Variants in GRID2 observed in about 807,000 individuals in gnomAD.
GRID2 encodes glutamate receptor ionotropic, delta-2.
A neutral mutation model predicts 114.8 loss-of-function variants in GRID2; 33 were observed. The ratio of observed to expected loss-of-function variants is 0.29; its 90% CI spans 0.22 to 0.38. The LOEUF (loss-of-function observed/expected upper bound fraction) is 0.38. GRID2 is among the 10% of genes least tolerant of loss of function. GRID2 has a pLI of 1.00. For synonymous variants in GRID2, 505 were observed against 449.9 expected, an observed-to-expected ratio of 1.12 and a Z score of -1.55; for missense variants, 1,184 against 1,257.7, an observed-to-expected ratio of 0.94 and a Z score of 0.89.
At chr4:92,557,050 A>G (rs1315570659) in intron 1 of GRID2, among the ~76,000 whole-genome samples, 45 of 152,186 alleles carry the variant, frequency 3.0e-4, no homozygotes, top group Admixed American at 2.9e-3. Flanking sequence ...ACGATGCTGA[A>G]TTTTAATTTT....
intron 1 of GRID2, among the ~76,000 whole-genome samples, chr4:92,556,817 G>A: frequency 6.6e-6 from 1 of 152,182 alleles, no homozygotes; most frequent in Non-Finnish European, 1.5e-5. Context: ...AGCCCCAGAA[G>A]CACATTTGCC....
chr4:93,785,560 T>G (rs756488278), intron 1 of GRID2, among the ~76,000 whole-genome samples: 1 of 152,076 alleles, frequency 6.6e-6, no homozygotes, highest in Non-Finnish European at 1.5e-5. Flanking sequence ...ATCAAGAAAA[T>G]TTTTAAGAAG....
chr4:92,961,415 T>G (rs1250155762), intron 2 of GRID2, among the ~76,000 whole-genome samples: 1 of 151,382 alleles, frequency 6.6e-6, no homozygotes, highest in Non-Finnish European at 1.5e-5. Flanking sequence ...AATTCTTATT[T>G]CTCTTTCACA....
chr4:93,352,037 A>G (rs561729373), intron 8 of GRID2, among the ~76,000 whole-genome samples: 1 of 152,130 alleles, frequency 6.6e-6, no homozygotes, highest in Non-Finnish European at 1.5e-5. Context: ...TCATCATTTT[A>G]CAGAAAATAA....
intron 7 of GRID2, among the ~76,000 whole-genome samples, chr4:93,230,004 T>C (rs892500616): frequency 1.3e-5 from 2 of 152,158 alleles, no homozygotes; most frequent in Non-Finnish European, 2.9e-5. Flanking sequence ...ATTATAGTTT[T>C]AAAAATATTG....
intron 2 of GRID2, among the ~76,000 whole-genome samples, chr4:92,962,530 A>T (rs1303455118): frequency 6.6e-6 from 1 of 151,996 alleles, no homozygotes; most frequent in Non-Finnish European, 1.5e-5. Context: ...TTCCCAGGTC[A>T]TGTAGACTCG....
chr4:93,448,868 T>C (rs1434502110), intron 10 of GRID2, among the ~76,000 whole-genome samples: 3 of 26,596 alleles, frequency 1.1e-4, no homozygotes, highest in South Asian at 2.7e-3. Flanking sequence ...TCCCCTTCCC[T>C]TCCCCTTCCC....
intron 2 of GRID2, among the ~76,000 whole-genome samples, chr4:92,658,873 T>C (rs1732385309): frequency 7.4e-6 from 1 of 134,798 alleles, no homozygotes; most frequent in Non-Finnish European, 1.7e-5. Flanking sequence ...TTATTATATG[T>C]GTATATATAT....
intron 2 of GRID2, among the ~76,000 whole-genome samples, chr4:92,704,875 GAC>G (rs1734883622): frequency 6.7e-6 from 1 of 149,214 alleles, no homozygotes; most frequent in Non-Finnish European, 1.5e-5. Flanking sequence ...GAGCAGAAAT[GAC>G]AAGTGGCTAT....
At chr4:93,491,939 T>A (rs1905716) in intron 12 of GRID2, among the ~76,000 whole-genome samples, 126,681 of 151,848 alleles carry the variant, frequency 0.83, 53,428 homozygotes, top group African/African-American at 0.96. Flanking sequence ...ATTCATAAAA[T>A]TGATGTTTCT....
chr4:93,706,043 C>G (rs1258451972), intron 14 of GRID2, among the ~76,000 whole-genome samples: 1 of 152,104 alleles, frequency 6.6e-6, no homozygotes, highest in African/African-American at 2.4e-5. Flanking sequence ...GTCTATGTGT[C>G]TGTTTTTATG....
intron 2 of GRID2, among the ~76,000 whole-genome samples, chr4:92,677,025 A>G (rs557443668): frequency 6.6e-6 from 1 of 152,374 alleles, no homozygotes; most frequent in African/African-American, 2.4e-5. Flanking sequence ...TCACAGAAAG[A>G]CAAATATTAT....
At chr4:92,835,267 G>T (rs547633364) in intron 2 of GRID2, among the ~76,000 whole-genome samples, 2 of 151,790 alleles carry the variant, frequency 1.3e-5, no homozygotes, top group African/African-American at 4.8e-5. Flanking sequence ...ACAAAGGTAG[G>T]AAGGAGGAAG....
chr4:92,343,686 G>C, intron 1 of GRID2, among the ~76,000 whole-genome samples: 1 of 151,966 alleles, frequency 6.6e-6, no homozygotes, highest in Non-Finnish European at 1.5e-5. Flanking sequence ...CAATTCTCCT[G>C]CCTCATCCTC....
At chr4:93,238,562 A>G (rs1747086027) in intron 8 of GRID2, 72 bp downstream of exon 8, 3 of 1,320,628 alleles carry the variant, frequency 2.3e-6, no homozygotes, top group South Asian at 1.2e-5. Flanking sequence ...TCCATGCAGT[A>G]TGATCACAGT....
chr4:92,851,369 A>C (rs1281795812), intron 2 of GRID2, among the ~76,000 whole-genome samples: 1 of 151,928 alleles, frequency 6.6e-6, no homozygotes, highest in Non-Finnish European at 1.5e-5. Flanking sequence ...CAATGAGGCA[A>C]AGGCAAATAC....
At chr4:93,765,878 T>C (rs1436333467) in intron 14 of GRID2, among the ~76,000 whole-genome samples, 1 of 151,942 alleles carries the variant, frequency 6.6e-6, no homozygotes, top group Non-Finnish European at 1.5e-5. Flanking sequence ...CAGTCGTGGT[T>C]TAGAATAAAT....
At chr4:92,959,181 C>A (rs1052177032) in intron 2 of GRID2, among the ~76,000 whole-genome samples, 2 of 146,780 alleles carry the variant, frequency 1.4e-5, no homozygotes, top group Non-Finnish European at 1.5e-5. Flanking sequence ...CTGTTTTCTA[C>A]TCCATTGATT....
chr4:92,885,126 G>C, intron 2 of GRID2: 1 of 307,940 alleles, frequency 3.2e-6, no homozygotes, highest in South Asian at 3.2e-5. Context: ...AGTTAAACTT[G>C]ATGGTTTTGC....
Sources: allele counts gnomAD v4.1 joint callset (sites outside exome capture counted in the v4.1 genomes callset), GRCh38; gene constraint gnomAD v4.1.1; transcripts MANE v1.5; gene names NCBI Gene and HGNC (gene_info 2026-07-23, HGNC 2026-07-21).